Variants in SSBP4 observed in about 807,000 individuals in gnomAD.
The protein encoded by SSBP4 is single stranded DNA binding protein 4, also known as single-stranded DNA-binding protein 4.
Under a neutral mutation model 64.6 loss-of-function variants are expected in SSBP4, and 33 were observed. The ratio of observed to expected loss-of-function variants is 0.51; its 90% confidence interval spans 0.39 to 0.68. The LOEUF is 0.68. Ranked by LOEUF, SSBP4 falls within the 30% of genes least tolerant of loss-of-function variation. SSBP4 has a pLI of 0.00. For synonymous variants in SSBP4, 243 were observed against 224.0 expected, an observed-to-expected ratio of 1.08 and a Z score of -0.76; for missense variants, 583 against 566.8, an observed-to-expected ratio of 1.03 and a Z score of -0.29.
Position 18,421,457 on chromosome 19 carries a change from G to C in SSBP4, c.59+1750G>C, listed in dbSNP as rs562496084. Among the ~76,000 whole-genome samples the C allele has an allele frequency of 2.0e-5, 3 of 152,322 alleles. No homozygotes were observed. In the South Asian group the frequency reaches 6.2e-4, roughly 32 times the overall value. On this transcript the variant is annotated intron_variant, in intron 1 of 17. Transcript: ENST00000270061. ...GGCATCCACCCACCCAGTGGGAATC[G>C]GGATCGTTCACTGATTCAGCATATC...
upstream of SSBP4, among the ~76,000 whole-genome samples, chr19:18,416,463 G>A (rs1465429180): frequency 1.3e-5 from 2 of 152,272 alleles, no homozygotes; most frequent in East Asian, 3.9e-4. Flanking sequence ...GGCACACGCT[G>A]CCACCACGTG....
At chr19:18,418,421 C>T (rs1396688686), upstream of SSBP4, among the ~76,000 whole-genome samples, 2 of 152,214 alleles carry the variant, frequency 1.3e-5, no homozygotes, top group Admixed American at 6.5e-5. This position sits in a 1 kb window ranked among gnomAD's most constrained non-coding sequence, Gnocchi z 6.7. Context: ...CTCTGAACAC[C>T]CCTGGTGGGG....
chr19:18,428,135 G>C (rs113281512), intron 4 of SSBP4, among the ~76,000 whole-genome samples, 153 bp downstream of exon 4: 1,737 of 152,262 alleles, frequency 0.011, 17 homozygotes, highest in African/African-American at 0.023. Flanking sequence ...CTCCACTCAG[G>C]CTCTTGGCCA....
chr19:18,417,360 AG>A (rs1972155048), upstream of SSBP4, among the ~76,000 whole-genome samples: 1 of 152,128 alleles, frequency 6.6e-6, no homozygotes, highest in Non-Finnish European at 1.5e-5. The surrounding 1 kb of genome is among the most constrained non-coding windows in gnomAD (Gnocchi z 5.4). Context: ...ACAGGGGGCG[AG>A]GGACCAACCA....
chr19:18,404,266 C>A, the SSBP4 span, among the ~76,000 whole-genome samples: 1 of 152,032 alleles, frequency 6.6e-6, no homozygotes, highest in South Asian at 2.1e-4. Context: ...CCCTCAGAGA[C>A]CCTCAGAGAT....
the SSBP4 span, among the ~76,000 whole-genome samples, chr19:18,410,363 C>T: frequency 6.6e-6 from 1 of 151,414 alleles, no homozygotes; most frequent in African/African-American, 2.4e-5. Flanking sequence ...AACTCCTGAC[C>T]TCAAGTGATC....
chr19:18,431,610 G>T (rs1374263679), intron 6 of SSBP4, 37 bp from the exon 7 acceptor site: 31 of 1,523,714 alleles, frequency 2.0e-5, no homozygotes, highest in Non-Finnish European at 2.7e-5. Flanking sequence ...GGACCAGAGG[G>T]TGGGGGAAGG....
chr19:18,431,279 T>G, intron 5 of SSBP4, 74 bp from the exon 6 acceptor site: 1 of 580,440 alleles, frequency 1.7e-6, no homozygotes, highest in East Asian at 3.1e-5. Flanking sequence ...TCTGCCTCCA[T>G]GGAGCCCCTC....
rs780555728 is a variant in SSBP4 at position 18,431,853 on chromosome 19, C to G, written c.556C>G (p.Arg186Gly). ...CCCTGGCGCCATGGAGCCCTCCCCA[C>G]GAGCCCAGGGTGAGTAGGGAAGCTC... ...LLPGAMEPSP[R>G]AQGHPSMGGP... The change falls in exon 8 of 18, where the codon CGA becomes GGA. Residue 186 changes from arginine (R) to glycine (G), a missense_variant. By Grantham distance (125) the Arg-to-Gly change is moderately radical. Around this residue, in one of 5 missense-constraint regions of SSBP4, gnomAD observed 444 missense variants for 386.6 expected, o/e 1.15. Transcript: ENST00000270061. The G allele has an allele frequency of 2.5e-6, 4 of 1,572,902 alleles. No individual in the cohort carries two copies. The highest frequency in any genetic ancestry group is 2.3e-5 in the South Asian group (2 of 86,380).
At chr19:18,408,358 C>T in the SSBP4 span, among the ~76,000 whole-genome samples, 4 of 152,280 alleles carry the variant, frequency 2.6e-5, no homozygotes, top group Middle Eastern at 3.4e-3. Flanking sequence ...TGGTGGCCCA[C>T]GTTGAACCTG....
the SSBP4 span, among the ~76,000 whole-genome samples, chr19:18,404,992 C>CCA: frequency 3.3e-4 from 42 of 125,452 alleles, no homozygotes; most frequent in African/African-American, 1.2e-3. Flanking sequence ...GAGGCCCCCC[C>CCA]CCCCGCGAAA....
intron 12 of SSBP4, 43 bp from the exon 13 acceptor site, chr19:18,432,786 A>G (rs369276343): frequency 4.9e-5 from 79 of 1,613,350 alleles, no homozygotes; most frequent in Middle Eastern, 1.6e-4. Context: ...GTGGGATGGC[A>G]GATGAGGGGC....
rs781216612 is a variant in SSBP4 at position 18,427,785 on chromosome 19, C to T, written c.166C>T (p.Pro56Ser). The stretch of plus-strand genomic sequence containing the variant: ...GGAGAAGAACATCACGCTGGGGGAG[C>T]CCCCTGGGTTCCTGCACTCCTGGTG... ...RWEKNITLGE[P>S]PGFLHSWWCV... is the part of the protein sequence containing the mutation. Residue 56 changes from proline to serine, a missense_variant, in exon 3 of 18, where the codon CCC becomes TCC. Transcript: ENST00000270061. The surrounding 1 kb of genome is among the most constrained non-coding windows in gnomAD (Gnocchi z 4.4). 2 of 1,604,690 alleles carry T rather than the reference C, an allele frequency of 1.2e-6. No individual in the cohort carries two copies. Among genetic ancestry groups the T allele is most frequent in the East Asian group, 2.2e-5 (1 of 44,634 alleles).
chr19:18,413,462 C>A, the SSBP4 span, among the ~76,000 whole-genome samples: 5 of 152,152 alleles, frequency 3.3e-5, no homozygotes, highest in African/African-American at 9.6e-5. Flanking sequence ...GATCCACTCG[C>A]CTTGGCCTCC....
rs907641600 is a variant in SSBP4, at chr19:18,419,661, G to T, written c.13G>T (p.Gly5Trp). ...GGCGTGGAGCAGCATGTACGCCAAG[G>T]GGGGCAAGGGTTCGGCCGTGCCCTC... MYAKGGKGSAVPSDS... is the reference protein window; with the variant it reads MYAKWGKGSAVPSDS... Residue 5 changes from glycine (G) to tryptophan (W), a missense_variant, in exon 1 of 18, where the codon GGG (glycine) becomes TGG (tryptophan). By Grantham distance (184) the Gly-to-Trp change is radical. Coordinates refer to ENST00000270061, the MANE Select transcript of SSBP4 (RefSeq NM_032627.5). 1.3e-5 allele frequency: 16 copies of T among 1,241,612 alleles called. No individual in the cohort carries two copies. The highest frequency in any genetic ancestry group is 1.6e-5 in the African/African-American group (1 of 62,416). The allele number at this position is 1,241,612 out of a possible 1,614,324, so 76.9% of individuals were successfully genotyped here.
At chr19:18,433,872 C>A (rs1214176619) in intron 17 of SSBP4, 55 bp downstream of exon 17, 8 of 1,290,396 alleles carry the variant, frequency 6.2e-6, no homozygotes, top group Admixed American at 4.3e-5. Flanking sequence ...GAGGGGCTGG[C>A]GGGCAGGCCC....
At chr19:18,410,504 T>G in the SSBP4 span, among the ~76,000 whole-genome samples, 2 of 152,098 alleles carry the variant, frequency 1.3e-5, no homozygotes, top group African/African-American at 4.8e-5. Context: ...GAAAAAAAGA[T>G]GCGCAGGGAG....
rs1029796378 is a variant in SSBP4 at position 18,433,722 on chromosome 19, G to C, written c.1033G>C (p.Ala345Pro). 11 of 1,425,644 alleles carry C rather than the reference G, an allele frequency of 7.7e-6. No individual in the cohort carries two copies. The highest frequency in any genetic ancestry group is 9.1e-6 in the Non-Finnish European group (10 of 1,101,284). The allele number at this position is 1,425,644 out of a possible 1,614,324, so 88.3% of individuals were successfully genotyped here. A position where few individuals can be genotyped will look rare whatever the true frequency, so the allele number is the denominator to read the frequency against. Reference protein sequence around the residue: ...MDGLPKSSPGAVAGLSNAPGT... With the variant: ...MDGLPKSSPGPVAGLSNAPGT... ...CGGCCGCCCCCAGAGTTCCCCCGGC[G>C]CCGTGGCCGGCCTGAGCAACGCCCC... is the stretch of plus-strand genomic sequence containing the variant. Residue 345 changes from alanine (A) to proline (P), a missense_variant, in exon 17 of 18, where the codon GCC becomes CCC. Ala to Pro is a conservative substitution (Grantham distance 27). Coordinates refer to ENST00000270061, the MANE Select transcript of SSBP4 (RefSeq NM_032627.5).
At position 18,419,667 on chromosome 19, in the gene SSBP4, A is replaced by G. The variant is rs1287887009; in HGVS notation, c.19A>G (p.Lys7Glu). The G allele has an allele frequency of 1.6e-6, 2 of 1,237,012 alleles. No individual in the cohort carries two copies. The highest frequency in any genetic ancestry group is 2.0e-6 in the Non-Finnish European group (2 of 984,982). The allele number at this position is 1,237,012 out of a possible 1,614,324, so 76.6% of individuals were successfully genotyped here. Residue 7 changes from lysine to glutamate, a missense_variant, in exon 1 of 18, where the codon AAG (lysine) becomes GAG (glutamate). Lys to Glu is a moderately conservative substitution (Grantham distance 56). Around this residue, in one of 5 missense-constraint regions of SSBP4, gnomAD observed 39 missense variants for 25.7 expected, o/e 1.52. Coordinates refer to ENST00000270061, the MANE Select transcript of SSBP4 (RefSeq NM_032627.5). MYAKGG[K>E]GSAVPSDSQA... ...GAGCAGCATGTACGCCAAGGGGGGC[A>G]AGGGTTCGGCCGTGCCCTCCGACAG...
Sources: allele counts gnomAD v4.1 joint callset (sites outside exome capture counted in the v4.1 genomes callset), GRCh38; gene constraint gnomAD v4.1.1; regional missense constraint gnomAD v4.1.1; non-coding constraint Gnocchi (gnomAD v3.1); transcripts MANE v1.5; gene names NCBI Gene and HGNC (gene_info 2026-07-23, HGNC 2026-07-21).